Variants in PLPPR3 observed in about 807,000 individuals in gnomAD.
PLPPR3 encodes phospholipid phosphatase related 3, also known as phospholipid phosphatase-related protein type 3.
Under a neutral mutation model 27.3 loss-of-function variants are expected in PLPPR3, and 14 were observed. The ratio of observed to expected loss-of-function variants is 0.51; its 90% CI spans 0.34 to 0.80. PLPPR3 has a LOEUF of 0.80. Ranked by LOEUF, PLPPR3 falls within the 30% of genes least tolerant of loss-of-function variation. The probability of loss-of-function intolerance (pLI) is 0.01; values close to 1 mark genes in which losing one functional copy is unlikely to be tolerated. For synonymous variants in PLPPR3, 671 were observed against 508.0 expected, an observed-to-expected ratio of 1.32 and a Z score of -4.32; for missense variants, 1,287 against 1,056.9, an observed-to-expected ratio of 1.22 and a Z score of -3.02.
At chr19:820,322 T>A (rs2035125712) in intron 2 of PLPPR3, among the ~76,000 whole-genome samples, 1 of 151,626 alleles carries the variant, frequency 6.6e-6, no homozygotes, top group African/African-American at 2.4e-5. Flanking sequence ...TAGCTGAGAA[T>A]AAAGGCACGC....
chr19:814,312 AGCCTGCCTCCCACCTCAGACCCCTGG>A, intron 7 of PLPPR3, 96 bp downstream of exon 7: 1 of 898,438 alleles, frequency 1.1e-6, no homozygotes, highest in Non-Finnish European at 1.6e-6. Flanking sequence ...AGACCCCCTG[AGCCTGCCTCCCACCTCAGACCCCTGG>A]GCCAGCCTCC....
intron 1 of PLPPR3, 144 bp downstream of exon 1, chr19:821,771 G>C: frequency 2.6e-6 from 1 of 380,940 alleles, no homozygotes; most frequent in Non-Finnish European, 4.6e-6. Context: ...GGGATCGGGG[G>C]GTCGGGGCCG....
At position 813,893 on chromosome 19, in the gene PLPPR3, G is replaced by A. The variant is rs1465652781; in HGVS notation, c.834C>T (p.Ala278=). 2 of 1,432,072 alleles carry A rather than the reference G, an allele frequency of 1.4e-6. No individual in the cohort carries two copies. Among genetic ancestry groups the A allele is most frequent in the Non-Finnish European group, 1.8e-6 (2 of 1,099,826 alleles). The allele number at this position is 1,432,072 out of a possible 1,614,324, so 88.7% of individuals were successfully genotyped here. A position where few individuals can be genotyped will look rare whatever the true frequency, so the allele number is the denominator to read the frequency against. ...LIGAGIAAYL[A]CHAVGNFQAP... ...CCTGGAAGTTGCCCACCGCGTGGCA[G>A]GCCTGTCGGGGAGAGGGGTCTGGGG... The change falls in exon 8 of 8, where the codon GCC becomes GCT. Residue 278 remains alanine (A), a splice_region_variant and synonymous_variant. Transcript: ENST00000520876. The surrounding 1 kb of genome is among the most constrained non-coding windows in gnomAD (Gnocchi z 4.1).
intron 2 of PLPPR3, 132 bp downstream of exon 2, chr19:821,353 C>A: frequency 1.6e-6 from 1 of 635,332 alleles, no homozygotes; most frequent in Non-Finnish European, 2.5e-6. Flanking sequence ...ATCCGCCGGA[C>A]ACCCCGGTCC....
chr19:822,658 G>C (rs570183969), upstream of PLPPR3, among the ~76,000 whole-genome samples: 83 of 152,282 alleles, frequency 5.5e-4, no homozygotes, highest in South Asian at 1.0e-3. Flanking sequence ...GGGCCCTCGG[G>C]ACCCGCACTC....
chr19:812,846 G>A lies in PLPPR3; in HGVS notation c.1881C>T (p.Gly627=), dbSNP rs1252810940. ...CCGGGGGCTTGGCCCCGCCGCGGAA[G>A]CCGCGCGCCAGGTCCCCCAGCTCGT... ...GGYELGDLAR[G]FRGGAKPPGV... The change falls in exon 8 of 8, where the codon GGC becomes GGT. Residue 627 remains glycine (G), a synonymous_variant. Coordinates refer to ENST00000520876, the MANE Select transcript of PLPPR3 (RefSeq NM_001270366.2). 1 of 1,129,504 alleles carries A rather than the reference G, an allele frequency of 8.9e-7. No homozygotes were observed. The highest frequency in any genetic ancestry group is 5.2e-5 in the Admixed American group (1 of 19,348). The allele number at this position is 1,129,504 out of a possible 1,614,324, so 70.0% of individuals were successfully genotyped here.
Position 815,073 on chromosome 19 carries a change from C to G in PLPPR3, c.412G>C (p.Val138Leu). The G allele has an allele frequency of 6.2e-7, 1 of 1,605,964 alleles. No individual in the cohort carries two copies. The highest frequency in any genetic ancestry group is 8.5e-7 in the Non-Finnish European group (1 of 1,179,846). The stretch of plus-strand genomic sequence containing the variant: ...AGGGCTGTGGCACACAGGCCGAACA[C>G]GTGGACACCTGCAGGGCGGAAGGCT... Reference protein sequence around the residue: ...RRTVRFVGVHVFGLCATALVT... With the variant: ...RRTVRFVGVHLFGLCATALVT... Residue 138 changes from valine to leucine, a missense_variant, in exon 5 of 8, where the codon GTG becomes CTG. Val to Leu is a conservative substitution (Grantham distance 32). Coordinates refer to ENST00000520876, the MANE Select transcript of PLPPR3 (RefSeq NM_001270366.2).
chr19:820,841 T>C (rs1033396814), intron 2 of PLPPR3, among the ~76,000 whole-genome samples: 2 of 151,448 alleles, frequency 1.3e-5, no homozygotes, highest in African/African-American at 4.9e-5. Flanking sequence ...GTATTTTTAA[T>C]GGAGAGGGGT....
At chr19:814,384 T>A in intron 7 of PLPPR3, 50 bp downstream of exon 7, 1 of 1,514,320 alleles carries the variant, frequency 6.6e-7, no homozygotes, top group Non-Finnish European at 8.8e-7. Context: ...GCCTCCCCCC[T>A]CAGATCCCCT....
At position 815,855 on chromosome 19, in the gene PLPPR3, T is replaced by G. The variant is rs1384204193; in HGVS notation, c.76-4A>C. The G allele has an allele frequency of 6.2e-7, 1 of 1,612,048 alleles. No homozygotes were observed. On this transcript the variant is annotated splice_polypyrimidine_tract_variant and splice_region_variant and intron_variant, in intron 2 of 7. Transcript: ENST00000520876. ...TGGAAGAAGCCACTATGGGCAGCTGTGGGGACAAGGTGGGCCAGGTTCACC... is the reference window on the plus strand; with the variant it reads ...TGGAAGAAGCCACTATGGGCAGCTGGGGGGACAAGGTGGGCCAGGTTCACC...
intron 5 of PLPPR3, 59 bp downstream of exon 5, chr19:814,827 C>G (rs376619791): frequency 6.3e-7 from 1 of 1,578,064 alleles, no homozygotes; most frequent in Non-Finnish European, 8.6e-7. Context: ...TCTGTTTCCC[C>G]GCATGTTCAC....
intron 2 of PLPPR3, among the ~76,000 whole-genome samples, chr19:820,307 C>G (rs151295272): frequency 6.6e-6 from 1 of 152,054 alleles, no homozygotes; most frequent in Non-Finnish European, 1.5e-5. Flanking sequence ...CCTCGGCCTC[C>G]TAAGTAGCTG....
In PLPPR3 at chr19:812,602, G is replaced by C. The variant is rs1450498462; in HGVS notation, c.2125C>G (p.Arg709Gly). Residue 709 changes from arginine (R) to glycine (G), a missense_variant, in exon 8 of 8, where the codon CGC (arginine) becomes GGC (glycine). Transcript: ENST00000520876. ...GGGAAGCGGCGCGCCTGCATCTTGC[G>C]GAAGTAGCCCTCGGCCTCCGCCTCC... ...EAEAEAEGYF[R>G]KMQARRFPD The C allele has an allele frequency of 9.0e-7, 1 of 1,114,160 alleles. No individual in the cohort carries two copies. Among genetic ancestry groups the C allele is most frequent in the Non-Finnish European group, 1.1e-6 (1 of 902,108 alleles). 69.0% of individuals were successfully genotyped at this position (1,114,160 alleles called of 1,614,324 possible).
At chr19:816,050 AC>A (rs1721470738) in intron 2 of PLPPR3, among the ~76,000 whole-genome samples, 199 bp from the exon 3 acceptor site, 3 of 151,784 alleles carry the variant, frequency 2.0e-5, no homozygotes, top group Admixed American at 2.0e-4. Flanking sequence ...CACATCACAC[AC>A]CCACTCACTC....
Position 818,976 on chromosome 19 carries a change from TTTA to T in PLPPR3, c.75+2506_75+2508del, listed in dbSNP as rs1257528450. On this transcript the variant is annotated intron_variant, in intron 2 of 7. Coordinates refer to ENST00000520876, the MANE Select transcript of PLPPR3 (RefSeq NM_001270366.2). ...GCTCGGCCTTATTATTATTATTTTATTTATTATTATTATTTTTTGAGATGGAGT... is the reference window on the plus strand; with the variant it reads ...GCTCGGCCTTATTATTATTATTTTATTTATTATTATTTTTTGAGATGGAGT... Among the ~76,000 whole-genome samples the T allele has an allele frequency of 6.6e-4, 73 of 110,730 alleles. 12 individuals carry two copies. The highest frequency in any genetic ancestry group is 2.5e-3 in the African/African-American group (62 of 24,478). The allele number at this position is 110,730 out of a possible 152,430, so 72.6% of individuals were successfully genotyped here.
chr19:812,630 C>T lies in PLPPR3; in HGVS notation c.2097G>A (p.Glu699=). The change falls in exon 8 of 8, where the codon GAG becomes GAA. Residue 699 remains glutamate, a synonymous_variant. Transcript: ENST00000520876. ...AGTAGCCCTCGGCCTCCGCCTCCGCCTCGCGCTCCGCCAGCCCCAGGCCGC... is the reference window on the plus strand; with the variant it reads ...AGTAGCCCTCGGCCTCCGCCTCCGCTTCGCGCTCCGCCAGCCCCAGGCCGC... The part of the protein sequence containing the change: ...HAGGLGLAER[E]AEAEAEGYFR... 1.8e-6 allele frequency: 2 copies of T among 1,113,422 alleles called. No homozygotes were observed. The highest frequency in any genetic ancestry group is 2.2e-6 in the Non-Finnish European group (2 of 901,984). The allele number at this position is 1,113,422 out of a possible 1,614,324, so 69.0% of individuals were successfully genotyped here.
chr19:822,283 ACGGGGGCGGAGG>A (rs1244759021), upstream of PLPPR3, among the ~76,000 whole-genome samples: 1 of 143,502 alleles, frequency 7.0e-6, no homozygotes, highest in Non-Finnish European at 1.5e-5. Context: ...CGCCATCGAG[ACGGGGGCGGAGG>A]CGGGGGCGGG....
In PLPPR3 at chr19:812,641, C is replaced by G. The variant is rs992847161; in HGVS notation, c.2086G>C (p.Ala696Pro). 22 of 1,098,916 alleles carry G rather than the reference C, an allele frequency of 2.0e-5. No individual in the cohort carries two copies. In the South Asian group the frequency reaches 3.3e-4, roughly 16 times the overall value. 68.1% of individuals were successfully genotyped at this position (1,098,916 alleles called of 1,614,324 possible). ...GCCTCCGCCTCCGCCTCGCGCTCCG[C>G]CAGCCCCAGGCCGCCCGCGTGGCGC... ...LRRHAGGLGL[A>P]EREAEAEAEG... The change falls in exon 8 of 8, where the codon GCG becomes CCG. Residue 696 changes from alanine to proline, a missense_variant. Coordinates refer to ENST00000520876, the MANE Select transcript of PLPPR3 (RefSeq NM_001270366.2).
At position 815,260 on chromosome 19, in the gene PLPPR3, G is replaced by A. The variant is rs1403442852; in HGVS notation, c.329C>T (p.Ala110Val). 6.4e-7 allele frequency: 1 copy of A among 1,567,882 alleles called. No individual in the cohort carries two copies. The highest frequency in any genetic ancestry group is 8.6e-7 in the Non-Finnish European group (1 of 1,159,354). ...SRLWGRAGGP[A>V]GAEGSINAGG... ...GGCGTTGATGCTGCCCTCCGCCCCG[G>A]CGGGCCCCCCGGCACGGCCCCACAG... Residue 110 changes from alanine (A) to valine (V), a missense_variant, in exon 4 of 8, where the codon GCC becomes GTC. By Grantham distance (64) the Ala-to-Val change is moderately conservative. Coordinates refer to ENST00000520876, the MANE Select transcript of PLPPR3 (RefSeq NM_001270366.2).
Sources: allele counts gnomAD v4.1 joint callset (sites outside exome capture counted in the v4.1 genomes callset), GRCh38; gene constraint gnomAD v4.1.1; non-coding constraint Gnocchi (gnomAD v3.1); transcripts MANE v1.5; gene names NCBI Gene and HGNC (gene_info 2026-07-23, HGNC 2026-07-21).